TMPRSS2: variants seen among roughly 807,000 people sequenced by gnomAD.
TMPRSS2 encodes transmembrane protease serine 2.
In TMPRSS2, 59 loss-of-function variants were observed where a neutral mutation model predicts 67.4. The ratio of observed to expected loss-of-function variants is 0.88; its 90% CI spans 0.71 to 1.09. The LOEUF (loss-of-function observed/expected upper bound fraction) is 1.09, where lower values mean the gene tolerates loss of function less well. Among genes scored for constraint, TMPRSS2 ranks in the 50% least tolerant of loss-of-function variants. TMPRSS2 has a pLI of 0.00. For missense variants in TMPRSS2, 668 were observed against 642.7 expected, an observed-to-expected ratio of 1.04 and a Z score of -0.43; for synonymous variants, 257 against 257.0, an observed-to-expected ratio of 1.00 and a Z score of 0.00.
chr21:41,476,473 C>T (rs2091214160), intron 8 of TMPRSS2, 104 bp downstream of exon 8: 5 of 1,207,220 alleles, frequency 4.1e-6, no homozygotes, highest in Middle Eastern at 1.9e-4. Flanking sequence ...CGTGACCCCA[C>T]CTTCTTCCCT....
intron 3 of TMPRSS2, among the ~76,000 whole-genome samples, chr21:41,492,425 C>T (rs959233382): frequency 6.6e-6 from 1 of 152,174 alleles, no homozygotes; most frequent in Non-Finnish European, 1.5e-5. Context: ...ACGGCTGTTG[C>T]TAAAGCAAAT....
intron 9 of TMPRSS2, 22 bp downstream of exon 9, chr21:41,473,303 G>A (rs1268475366): frequency 1.3e-6 from 2 of 1,560,324 alleles, no homozygotes; most frequent in East Asian, 4.7e-5. Flanking sequence ...CCCCCACCCG[G>A]CCCGCGCCGC....
chr21:41,473,629 G>A, intron 8 of TMPRSS2, 133 bp from the exon 9 acceptor site: 1 of 957,116 alleles, frequency 1.0e-6, no homozygotes, highest in Non-Finnish European at 1.5e-6. Flanking sequence ...GATGGACTTA[G>A]GGGGCTCCTG....
chr21:41,490,014 G>A (rs540531595), intron 3 of TMPRSS2, among the ~76,000 whole-genome samples: 4 of 152,140 alleles, frequency 2.6e-5, no homozygotes, highest in African/African-American at 9.6e-5. Context: ...TGGGCGTGGT[G>A]GCAGGTGCCT....
chr21:41,507,914 G>C (rs1031142674), intron 1 of TMPRSS2, 167 bp downstream of exon 1: 3 of 1,493,648 alleles, frequency 2.0e-6, no homozygotes, highest in Non-Finnish European at 2.7e-6. Context: ...CGCCCTGCCC[G>C]GCTGGCCCCA....
At chr21:41,500,440 G>A (rs1190757473) in intron 1 of TMPRSS2, among the ~76,000 whole-genome samples, 1 of 152,236 alleles carries the variant, frequency 6.6e-6, no homozygotes, top group Non-Finnish European at 1.5e-5. Context: ...GCCAAGTAGA[G>A]TGGGGCCGGC....
At chr21:41,482,737 C>T (rs1483234947) in intron 5 of TMPRSS2, among the ~76,000 whole-genome samples, 5 of 152,068 alleles carry the variant, frequency 3.3e-5, no homozygotes, top group African/African-American at 4.8e-5. Context: ...ATCTGGACAA[C>T]GGAATATTAT....
At position 41,494,503 on chromosome 21, in the gene TMPRSS2, T is replaced by C. The variant is rs2091364223; in HGVS notation, c.91A>G (p.Thr31Ala). 1.9e-6 allele frequency: 3 copies of C among 1,614,036 alleles called. No individual in the cohort carries two copies. Among genetic ancestry groups the C allele is most frequent in the Non-Finnish European group, 2.5e-6 (3 of 1,179,996 alleles). The part of the protein sequence containing the change: ...QPENPYPAQP[T>A]VVPTVYEVHP... The stretch of plus-strand genomic sequence containing the variant: ...ACCTCGTAGACAGTGGGGACCACAG[T>C]GGGCTGTGCGGGATAGGGGTTTTCC... The change falls in exon 3 of 14, where the codon ACT (threonine) becomes GCT (alanine). Residue 31 changes from threonine (T) to alanine (A), a missense_variant. Thr to Ala is a moderately conservative substitution (Grantham distance 58, BLOSUM62 0). Coordinates refer to ENST00000332149, the MANE Select transcript of TMPRSS2 (RefSeq NM_005656.4).
rs112132031 is a variant in TMPRSS2, at chr21:41,470,786, C to CCTAAGGTCTCGGG, written c.1076-44_1076-43insCCCGAGACCTTAG. Reference sequence around the variant, plus strand: ...AACACAGTGAGCCAGGCGGGTATCACCTATGTCTCCACCTGGCCTTCCCAC... The same window carrying CCTAAGGTCTCGGG: ...AACACAGTGAGCCAGGCGGGTATCACCTAAGGTCTCGGGCTATGTCTCCACCTGGCCTTCCCAC... On this transcript the variant is annotated intron_variant, in intron 10 of 13. Coordinates refer to ENST00000332149, the MANE Select transcript of TMPRSS2 (RefSeq NM_005656.4). 1.9e-6 allele frequency: 3 copies of CCTAAGGTCTCGGG among 1,587,514 alleles called. No homozygotes were observed. The South Asian group carries it at 3.3e-5, about 18-fold the overall frequency.
chr21:41,475,648 G>T (rs2070599781), intron 8 of TMPRSS2, among the ~76,000 whole-genome samples: 1 of 72,588 alleles, frequency 1.4e-5, no homozygotes, highest in Non-Finnish European at 3.0e-5. Context: ...GAGTGAGGAG[G>T]TGAGTGAGGG....
chr21:41,489,276 G>A (rs1191882308), intron 4 of TMPRSS2, among the ~76,000 whole-genome samples: 1 of 152,224 alleles, frequency 6.6e-6, no homozygotes, highest in Non-Finnish European at 1.5e-5. Context: ...TGTGCTCACA[G>A]TGCTGGGTGG....
At chr21:41,490,198 T>A (rs1601583158) in intron 3 of TMPRSS2, among the ~76,000 whole-genome samples, 1 of 145,020 alleles carries the variant, frequency 6.9e-6, no homozygotes, top group African/African-American at 2.6e-5. Flanking sequence ...AATAGGCAGA[T>A]GATTAATGTA....
intron 1 of TMPRSS2, among the ~76,000 whole-genome samples, chr21:41,498,847 G>A (rs2091404429): frequency 6.6e-6 from 1 of 152,186 alleles, no homozygotes; most frequent in African/African-American, 2.4e-5. Flanking sequence ...GGTCCTCATG[G>A]GAAAACGGAC....
chr21:41,504,704 G>C (rs2091445814), intron 1 of TMPRSS2, among the ~76,000 whole-genome samples: 1 of 151,974 alleles, frequency 6.6e-6, no homozygotes, highest in Non-Finnish European at 1.5e-5. Context: ...GTGGTCAATG[G>C]CCATGGGGAC....
At position 41,471,796 on chromosome 21, in the gene TMPRSS2, C is replaced by T; in HGVS notation, c.1075+10G>A. The stretch of plus-strand genomic sequence containing the variant: ...TGCCAACCTGCTTGCCAAGCCTGAG[C>T]CACACGTACCGTTGAAAGTCAGAGG... On this transcript the variant is annotated intron_variant, in intron 10 of 13. Transcript: ENST00000332149. The T allele has an allele frequency of 1.3e-6, 2 of 1,587,946 alleles. No individual in the cohort carries two copies. The highest frequency in any genetic ancestry group is 1.7e-5 in the Admixed American group (1 of 57,744).
At chr21:41,468,008 G>A (rs1601559332) in intron 12 of TMPRSS2, 122 bp from the exon 13 acceptor site, 1 of 1,048,180 alleles carries the variant, frequency 9.5e-7, no homozygotes, top group Non-Finnish European at 1.4e-6. Context: ...TGACTGTGTG[G>A]GCTTCGAATC....
intron 1 of TMPRSS2, among the ~76,000 whole-genome samples, chr21:41,499,735 G>A (rs183722985): frequency 5.6e-4 from 85 of 152,224 alleles, no homozygotes; most frequent in African/African-American, 1.9e-3. Context: ...GCTGGCTGTG[G>A]TCCCTGTACC....
chr21:41,502,588 A>G (rs1297871509), intron 1 of TMPRSS2: 1 of 985,260 alleles, frequency 1.0e-6, no homozygotes, highest in Non-Finnish European at 1.2e-6. Flanking sequence ...AAATAACCGC[A>G]CTAATATCAC....
intron 5 of TMPRSS2, among the ~76,000 whole-genome samples, chr21:41,485,308 C>T (rs1285679593): frequency 6.6e-6 from 1 of 151,994 alleles, no homozygotes; most frequent in African/African-American, 2.4e-5. Flanking sequence ...AACATAAGGA[C>T]TTTGTTGGTG....
Sources: allele counts gnomAD v4.1 joint callset (sites outside exome capture counted in the v4.1 genomes callset), GRCh38; gene constraint gnomAD v4.1.1; transcripts MANE v1.5; gene names NCBI Gene and HGNC (gene_info 2026-07-23, HGNC 2026-07-21).